PLCB4: variants seen among roughly 807,000 people sequenced by gnomAD.
The protein encoded by PLCB4 is phospholipase C beta 4.
In PLCB4, 77 loss-of-function variants were observed where a neutral mutation model predicts 178.8. That is an observed-to-expected ratio of 0.43 (90% confidence interval 0.36 to 0.52). The LOEUF (loss-of-function observed/expected upper bound fraction) is 0.52. Among genes scored for constraint, PLCB4 ranks in the 20% least tolerant of loss-of-function variants. The pLI, the probability that PLCB4 is intolerant of heterozygous loss-of-function variation, is 0.00. For missense variants in PLCB4, 1,024 were observed against 1,453.4 expected, an observed-to-expected ratio of 0.70 and a Z score of 4.80; for synonymous variants, 496 against 490.8, an observed-to-expected ratio of 1.01 and a Z score of -0.14.
In PLCB4 at chr20:9,384,251, GC is replaced by G; in HGVS notation, c.908del (p.Pro303GlnfsTer4). On this transcript the variant is annotated frameshift_variant, in exon 14 of 40. Coordinates refer to ENST00000378473, the MANE Select transcript of PLCB4 (RefSeq NM_001377142.1). LOFTEE classifies it high-confidence loss of function. ...FCRYLMSDEN[A>X]PVFLDRLELY... ...CAGATATCTGATGTCAGATGAAAAC[GC>G]CCCAGTCTTCCTAGATCGTTTAGAA... 1 of 1,614,050 alleles carries G rather than the reference GC, an allele frequency of 6.2e-7. No individual in the cohort carries two copies. Among genetic ancestry groups the G allele is most frequent in the Non-Finnish European group, 8.5e-7 (1 of 1,179,978 alleles).
chr20:9,458,842 A>C (rs540647035), intron 34 of PLCB4, among the ~76,000 whole-genome samples: 3 of 152,168 alleles, frequency 2.0e-5, no homozygotes, highest in Non-Finnish European at 4.4e-5. Flanking sequence ...GGCACTGCAA[A>C]ACCCCACTGC....
At chr20:9,208,334 A>G (rs1191678528) in intron 2 of PLCB4, among the ~76,000 whole-genome samples, 1 of 152,128 alleles carries the variant, frequency 6.6e-6, no homozygotes, top group Non-Finnish European at 1.5e-5. Flanking sequence ...AATATACATA[A>G]AACACTGAGA....
intron 28 of PLCB4, among the ~76,000 whole-genome samples, chr20:9,434,587 G>A (rs938622093): frequency 6.6e-6 from 1 of 152,124 alleles, no homozygotes; most frequent in Non-Finnish European, 1.5e-5. Flanking sequence ...TGTTGCCTAG[G>A]CTGGTCTTGA....
chr20:9,150,696 A>T lies in PLCB4; in HGVS notation c.-79+54354A>T, dbSNP rs888804620. 4.0e-5 allele frequency among the ~76,000 whole-genome samples: 6 copies of T among 151,786 alleles called. No homozygotes were observed. In the East Asian group the frequency reaches 1.2e-3, roughly 29 times the overall value. On this transcript the variant is annotated intron_variant, in intron 2 of 39. Coordinates refer to ENST00000378473, the MANE Select transcript of PLCB4 (RefSeq NM_001377142.1). ...GAAGTTAAGTGACCTGCCCCAGGTC[A>T]CCCAGCCAAGAAGTGGCAGAGAAGT...
Position 9,205,005 on chromosome 20 carries a change from C to A in PLCB4, c.-78-12385C>A, listed in dbSNP as rs1414264710. On this transcript the variant is annotated intron_variant, in intron 2 of 39. Coordinates refer to ENST00000378473, the MANE Select transcript of PLCB4 (RefSeq NM_001377142.1). ...TATGTATACTGAGTTAAATAAAATA[C>A]AGACAGTTCTTGACTTATGATGGTT... is the stretch of plus-strand genomic sequence containing the variant. 2.0e-5 allele frequency among the ~76,000 whole-genome samples: 3 copies of A among 152,034 alleles called. No homozygotes were observed. In the East Asian group the frequency reaches 5.8e-4, roughly 29 times the overall value.
At chr20:9,331,852 C>T (rs183613517) in intron 4 of PLCB4, among the ~76,000 whole-genome samples, 2 of 152,270 alleles carry the variant, frequency 1.3e-5, no homozygotes, top group Admixed American at 1.3e-4. Context: ...GTGGGGATCT[C>T]TGAGCCAGAA....
At chr20:9,322,893 G>C (rs2094976639) in intron 4 of PLCB4, among the ~76,000 whole-genome samples, 1 of 152,196 alleles carries the variant, frequency 6.6e-6, no homozygotes, top group Non-Finnish European at 1.5e-5. Flanking sequence ...ATGTGACCAT[G>C]AGTCAGTCTT....
At position 9,389,957 on chromosome 20, in the gene PLCB4, A is replaced by C. The variant is rs1321946789; in HGVS notation, c.1237A>C (p.Ser413Arg). The C allele has an allele frequency of 1.3e-6, 2 of 1,507,352 alleles. No individual in the cohort carries two copies. Among genetic ancestry groups the C allele is most frequent in the Non-Finnish European group, 1.8e-6 (2 of 1,085,400 alleles). The allele number at this position is 1,507,352 out of a possible 1,614,324, so 93.4% of individuals were successfully genotyped here. Residue 413 changes from serine to arginine, a missense_variant and splice_region_variant, in exon 16 of 40, where the codon AGC becomes CGC. Ser to Arg is a moderately radical substitution (Grantham distance 110). This residue lies in a region of PLCB4 where 263 missense variants were observed against 417.4 expected (regional missense o/e 0.63). Coordinates refer to ENST00000378473, the MANE Select transcript of PLCB4 (RefSeq NM_001377142.1). ...PVILSFENHC[S>R]KYQQYKMSKY... ...AATTCTCTCCTTTGAAAATCACTGCAGGTATAATGATCCATTCTGCCACAA... is the reference window on the plus strand; with the variant it reads ...AATTCTCTCCTTTGAAAATCACTGCCGGTATAATGATCCATTCTGCCACAA...
intron 2 of PLCB4, among the ~76,000 whole-genome samples, chr20:9,188,009 G>A (rs1174782693): frequency 6.6e-6 from 1 of 152,208 alleles, no homozygotes; most frequent in East Asian, 1.9e-4. Flanking sequence ...GTTACATCTA[G>A]AAGATAACAT....
intron 3 of PLCB4, among the ~76,000 whole-genome samples, chr20:9,251,297 TG>T (rs2094177821): frequency 6.6e-6 from 1 of 152,242 alleles, no homozygotes. Flanking sequence ...AGATGTCACC[TG>T]GGAGCTTATT....
chr20:9,157,919 G>C (rs1440152153), intron 2 of PLCB4, among the ~76,000 whole-genome samples: 1 of 152,152 alleles, frequency 6.6e-6, no homozygotes, highest in East Asian at 1.9e-4. Flanking sequence ...GCAACAGAGT[G>C]AGACCCTATC....
At chr20:9,071,089 T>C (rs1036517583) in intron 1 of PLCB4, among the ~76,000 whole-genome samples, 3 of 152,106 alleles carry the variant, frequency 2.0e-5, no homozygotes, top group Non-Finnish European at 4.4e-5. Flanking sequence ...CGTGAGGCGG[T>C]GTGTTTTTGC....
At chr20:9,162,438 T>C (rs1006392923) in intron 2 of PLCB4, among the ~76,000 whole-genome samples, 2 of 152,160 alleles carry the variant, frequency 1.3e-5, no homozygotes, top group Non-Finnish European at 2.9e-5. Flanking sequence ...CACGTCATGG[T>C]GAATTAATAT....
At chr20:9,238,442 G>A (rs372730650) in intron 3 of PLCB4, among the ~76,000 whole-genome samples, 19 of 152,294 alleles carry the variant, frequency 1.2e-4, no homozygotes, top group African/African-American at 4.3e-4. Context: ...ATATGTGGGT[G>A]TCATCCTTCA....
chr20:9,340,288 A>G (rs968257564), intron 7 of PLCB4, among the ~76,000 whole-genome samples: 11 of 152,160 alleles, frequency 7.2e-5, no homozygotes, highest in Admixed American at 7.2e-4. Flanking sequence ...TCCAAGCTCC[A>G]TTACCCTCAC....
intron 14 of PLCB4, among the ~76,000 whole-genome samples, chr20:9,386,248 A>G (rs1169690827): frequency 6.6e-6 from 1 of 150,940 alleles, no homozygotes; most frequent in Non-Finnish European, 1.5e-5. Flanking sequence ...GGGAGACCGA[A>G]GAAAGGAGGG....
chr20:9,463,034 A>T (rs1267554203), intron 35 of PLCB4, among the ~76,000 whole-genome samples: 3 of 152,240 alleles, frequency 2.0e-5, no homozygotes, highest in African/African-American at 7.2e-5. Context: ...CGGGTTACCC[A>T]CAAAGGAAAG....
chr20:9,083,631 C>T (rs898154623), intron 1 of PLCB4, among the ~76,000 whole-genome samples: 2 of 152,112 alleles, frequency 1.3e-5, no homozygotes, highest in Admixed American at 6.6e-5. Flanking sequence ...GGTATAATTA[C>T]GACCATTCGA....
chr20:9,423,607 G>A (rs2040799698), intron 27 of PLCB4, 141 bp from the exon 28 acceptor site: 2 of 654,558 alleles, frequency 3.1e-6, no homozygotes, highest in Non-Finnish European at 5.5e-6. Context: ...AGTACATTTT[G>A]GGGAATGCAG....
Sources: allele counts gnomAD v4.1 joint callset (sites outside exome capture counted in the v4.1 genomes callset), GRCh38; gene constraint gnomAD v4.1.1; regional missense constraint gnomAD v4.1.1; transcripts MANE v1.5; gene names NCBI Gene and HGNC (gene_info 2026-07-23, HGNC 2026-07-21).